Variants in PCDHGA7 observed in about 807,000 individuals in gnomAD.
PCDHGA7 encodes protocadherin gamma-A7.
In PCDHGA7, 44 loss-of-function variants were observed where a neutral mutation model predicts 58.3. The observed-to-expected ratio is 0.75, with a 90% confidence interval of 0.59 to 0.97. PCDHGA7 has a LOEUF of 0.97. Ranked by LOEUF, PCDHGA7 falls within the 50% of genes least tolerant of loss-of-function variation. PCDHGA7 has a pLI of 0.00. For synonymous variants in PCDHGA7, 516 were observed against 504.2 expected, an observed-to-expected ratio of 1.02 and a Z score of -0.31; for missense variants, 1,266 against 1,188.7, an observed-to-expected ratio of 1.06 and a Z score of -0.96.
At position 141,412,987 on chromosome 5, in the gene PCDHGA7, A is replaced by G. The variant is rs192699644; in HGVS notation, c.2424+27664A>G. The G allele has an allele frequency of 3.7e-3, 2,104 of 564,638 alleles. 8 individuals carry two copies. Among genetic ancestry groups the G allele is most frequent in the Admixed American group, 0.011 (308 of 27,526 alleles). 35.0% of individuals were successfully genotyped at this position (564,638 alleles called of 1,614,324 possible). ...AGGAGAGAAAACGCAGCCAGAGCTCAATCCGGATTCTCAGGGCTTCAACTA... is the reference window on the plus strand; with the variant it reads ...AGGAGAGAAAACGCAGCCAGAGCTCGATCCGGATTCTCAGGGCTTCAACTA... On this transcript the variant is annotated intron_variant, in intron 1 of 3. Transcript: ENST00000518325.
intron 1 of PCDHGA7, chr5:141,421,183 A>G (rs1286755310): frequency 2.7e-6 from 4 of 1,457,360 alleles, no homozygotes; most frequent in Admixed American, 4.8e-5. Flanking sequence ...CCGATTCACA[A>G]CCAACCAGCT....
intron 1 of PCDHGA7, chr5:141,478,585 T>A (rs1474599564): frequency 1.3e-5 from 20 of 1,576,728 alleles, no homozygotes; most frequent in Non-Finnish European, 1.7e-5. Flanking sequence ...TGTTAGTGCT[T>A]TTTTATTCCT....
Position 141,491,665 on chromosome 5 carries a change from C to G in PCDHGA7, c.2425-3142C>G. The stretch of plus-strand genomic sequence containing the variant: ...TCTGGCGCTGGAGCCTGACGCCATC[C>G]GGTCCCGCTCTAATACGCTGCGGGA... On this transcript the variant is annotated intron_variant, in intron 1 of 3. Transcript: ENST00000518325. This position sits in a 1 kb window ranked among gnomAD's most constrained non-coding sequence, Gnocchi z 6.9. 1 of 1,613,764 alleles carries G rather than the reference C, an allele frequency of 6.2e-7. No homozygotes were observed. Among genetic ancestry groups the G allele is most frequent in the Non-Finnish European group, 8.5e-7 (1 of 1,180,000 alleles).
At chr5:141,425,756 A>G (rs1282506394) in intron 1 of PCDHGA7, among the ~76,000 whole-genome samples, 1 of 152,228 alleles carries the variant, frequency 6.6e-6, no homozygotes, top group Non-Finnish European at 1.5e-5. Flanking sequence ...TTTTTGTTCT[A>G]CAACAGGAGA....
chr5:141,450,280 T>C (rs1374970772), intron 1 of PCDHGA7, among the ~76,000 whole-genome samples: 2 of 152,166 alleles, frequency 1.3e-5, no homozygotes, highest in African/African-American at 4.8e-5. Context: ...AGCTAAGTGC[T>C]GGGATTACAG....
At chr5:141,389,170 C>CCCTCT (rs2091633405) in intron 1 of PCDHGA7, 3 of 1,614,006 alleles carry the variant, frequency 1.9e-6, no homozygotes, top group Non-Finnish European at 2.5e-6. Context: ...GGCAAGCCTC[C>CCCTCT]CCTCTCCTCC....
At position 141,398,948 on chromosome 5, in the gene PCDHGA7, A is replaced by T. The variant is rs775133149; in HGVS notation, c.2424+13625A>T. The T allele has an allele frequency of 2.5e-6, 4 of 1,613,958 alleles. No homozygotes were observed. The South Asian group carries it at 3.3e-5, about 13-fold the overall frequency. On this transcript the variant is annotated intron_variant, in intron 1 of 3. Transcript: ENST00000518325. The stretch of plus-strand genomic sequence containing the variant: ...GCCACTGACCAAGACGAGGGCATCA[A>T]CTCAGAAATTACTTATTCCTTCTAC...
intron 1 of PCDHGA7, chr5:141,418,261 G>T (rs763160633): frequency 1.9e-6 from 3 of 1,613,938 alleles, no homozygotes; most frequent in Non-Finnish European, 2.5e-6. Flanking sequence ...CTCAATTCCG[G>T]AAAGATGAAA....
intron 1 of PCDHGA7, chr5:141,413,972 T>G: frequency 6.2e-7 from 1 of 1,613,420 alleles, no homozygotes; most frequent in Non-Finnish European, 8.5e-7. Context: ...ACTCAGCTGC[T>G]GACAGTCACA....
At chr5:141,445,964 T>C (rs1199096510) in intron 1 of PCDHGA7, among the ~76,000 whole-genome samples, 2 of 152,280 alleles carry the variant, frequency 1.3e-5, no homozygotes, top group South Asian at 4.1e-4. Context: ...ATATGGAGAA[T>C]TGATTTATGA....
At chr5:141,434,807 A>G (rs2097718601) in intron 1 of PCDHGA7, among the ~76,000 whole-genome samples, 1 of 152,016 alleles carries the variant, frequency 6.6e-6, no homozygotes, top group South Asian at 2.1e-4. Context: ...AGCTTGGAGA[A>G]ATATATCCCT....
chr5:141,463,142 C>T (rs1229364880), intron 1 of PCDHGA7, among the ~76,000 whole-genome samples: 1 of 152,160 alleles, frequency 6.6e-6, no homozygotes, highest in Non-Finnish European at 1.5e-5. Context: ...CTTCGCCCAG[C>T]TGCAGAAAAG....
At position 141,491,587 on chromosome 5, in the gene PCDHGA7, G is replaced by A. The variant is rs1177701526; in HGVS notation, c.2425-3220G>A. 1.2e-6 allele frequency: 2 copies of A among 1,613,834 alleles called. No individual in the cohort carries two copies. Among genetic ancestry groups the A allele is most frequent in the African/African-American group, 2.7e-5 (2 of 74,926 alleles). On this transcript the variant is annotated intron_variant, in intron 1 of 3. Coordinates refer to ENST00000518325, the MANE Select transcript of PCDHGA7 (RefSeq NM_018920.4). The surrounding 1 kb of genome is among the most constrained non-coding windows in gnomAD (Gnocchi z 6.9). ...CAGGACGTGCTTTTCACCGGCCTCG[G>A]ACGGCAGTGACTTCACTTTTCTAAG...
intron 1 of PCDHGA7, chr5:141,397,922 G>A: frequency 1.4e-6 from 1 of 731,582 alleles, no homozygotes; most frequent in Non-Finnish European, 2.2e-6. Flanking sequence ...AGATCTCCTC[G>A]CGCAGCCGCA....
chr5:141,470,297 T>A (rs2099227289), intron 1 of PCDHGA7, among the ~76,000 whole-genome samples: 2 of 152,348 alleles, frequency 1.3e-5, no homozygotes, highest in Admixed American at 1.3e-4. Flanking sequence ...TAACTGTTTT[T>A]ATTCCATTTT....
intron 1 of PCDHGA7, chr5:141,387,922 G>A (rs764365334): frequency 2.0e-6 from 3 of 1,478,496 alleles, no homozygotes; most frequent in African/African-American, 2.8e-5. Context: ...CGGGCTGAGA[G>A]GCTGCCAGTG....
At chr5:141,398,827 G>A in intron 1 of PCDHGA7, 1 of 1,613,982 alleles carries the variant, frequency 6.2e-7, no homozygotes, top group East Asian at 2.2e-5. Flanking sequence ...CCAGGTAACC[G>A]ACGCCAATGA....
At chr5:141,472,980 C>CAAAAAAAAAAAAAAAAAAA (rs60579131) in intron 1 of PCDHGA7, among the ~76,000 whole-genome samples, 6 of 86,104 alleles carry the variant, frequency 7.0e-5, no homozygotes, top group African/African-American at 1.2e-4. Context: ...GAGTGAAACT[C>CAAAAAAAAAAAAAAAAAAA]AAAAAAAAAA....
At chr5:141,408,838 G>A in intron 1 of PCDHGA7, 1 of 1,613,588 alleles carries the variant, frequency 6.2e-7, no homozygotes, top group African/African-American at 1.3e-5. Flanking sequence ...GCTTGATATT[G>A]ACTGCCTTGG....
Sources: gnomAD v4.1 joint callset for allele counts (sites outside exome capture counted in the v4.1 genomes callset) on GRCh38, gnomAD v4.1.1 for gene constraint, Gnocchi (gnomAD v3.1) non-coding constraint, MANE v1.5 for transcripts, NCBI Gene and HGNC (gene_info 2026-07-23, HGNC 2026-07-21) for gene names.